Variants in TAFA1 observed in about 807,000 individuals in gnomAD.
TAFA1 encodes the protein chemokine-like protein TAFA-1.
TAFA1 carries 4 observed loss-of-function variants against 18.5 expected under a neutral mutation model. The ratio of observed to expected loss-of-function variants is 0.22; its 90% CI spans 0.11 to 0.49. The LOEUF is 0.49. Among genes scored for constraint, TAFA1 ranks in the 20% least tolerant of loss-of-function variants. The probability of loss-of-function intolerance (pLI) is 0.98; values close to 1 mark genes in which losing one functional copy is unlikely to be tolerated. For missense variants in TAFA1, 147 were observed against 169.0 expected, an observed-to-expected ratio of 0.87 and a Z score of 0.72; for synonymous variants, 56 against 55.2, an observed-to-expected ratio of 1.01 and a Z score of -0.06.
chr3:68,109,095 A>G (rs1268362799), intron 2 of TAFA1, among the ~76,000 whole-genome samples: 1 of 152,074 alleles, frequency 6.6e-6, no homozygotes, highest in Admixed American at 6.6e-5. Context: ...GTTTTTCTCT[A>G]TTATGGTGTG....
intron 3 of TAFA1, among the ~76,000 whole-genome samples, chr3:68,493,606 A>G (rs932912708): frequency 6.6e-6 from 1 of 152,212 alleles, no homozygotes; most frequent in African/African-American, 2.4e-5. Context: ...ACCAACAGTG[A>G]ACAAGGGTTT....
At chr3:68,008,753 A>G (rs1704413824) in intron 2 of TAFA1, among the ~76,000 whole-genome samples, 1 of 152,080 alleles carries the variant, frequency 6.6e-6, no homozygotes, top group Admixed American at 6.5e-5. Flanking sequence ...TCTCAACTGC[A>G]CACCCATTCT....
chr3:68,503,222 A>G (rs545535418), intron 3 of TAFA1, among the ~76,000 whole-genome samples: 1 of 152,268 alleles, frequency 6.6e-6, no homozygotes, highest in East Asian at 1.9e-4. Context: ...GGCTGTGTAT[A>G]AGGTGCACAT....
intron 2 of TAFA1, among the ~76,000 whole-genome samples, chr3:68,348,261 G>A (rs796603456): frequency 3.2e-4 from 49 of 152,182 alleles, no homozygotes; most frequent in African/African-American, 1.1e-3. Context: ...ATGTAAAAAT[G>A]CTCACTGCAG....
intron 2 of TAFA1, among the ~76,000 whole-genome samples, chr3:68,245,602 A>C (rs1266395148): frequency 1.3e-5 from 2 of 152,218 alleles, no homozygotes; most frequent in African/African-American, 4.8e-5. Flanking sequence ...GTTTTACCGT[A>C]GTTCCATTTT....
the TAFA1 span, among the ~76,000 whole-genome samples, chr3:67,998,428 T>C: frequency 1.3e-5 from 2 of 152,184 alleles, no homozygotes; most frequent in Admixed American, 1.3e-4. Flanking sequence ...TGCATCTCTT[T>C]TGGGGGATGC....
chr3:68,319,962 A>G (rs951920654), intron 2 of TAFA1, among the ~76,000 whole-genome samples: 4 of 152,290 alleles, frequency 2.6e-5, no homozygotes, highest in African/African-American at 9.6e-5. Context: ...TGAGAATACG[A>G]CTAAAACAGT....
At chr3:68,450,548 G>T (rs1158093028) in intron 3 of TAFA1, among the ~76,000 whole-genome samples, 1 of 152,142 alleles carries the variant, frequency 6.6e-6, no homozygotes. Flanking sequence ...GTATTTTAAG[G>T]ATCAGATCCC....
At chr3:68,523,618 A>G (rs2073061168) in intron 3 of TAFA1, among the ~76,000 whole-genome samples, 1 of 152,222 alleles carries the variant, frequency 6.6e-6, no homozygotes, top group Non-Finnish European at 1.5e-5. Context: ...AAAATAAAAT[A>G]TCCCCCAAAA....
chr3:68,280,888 C>T (rs760753558), intron 2 of TAFA1, among the ~76,000 whole-genome samples: 2 of 152,096 alleles, frequency 1.3e-5, no homozygotes, highest in Non-Finnish European at 2.9e-5. Context: ...TGTTCTTAGG[C>T]AATTAGTCTT....
intron 3 of TAFA1, among the ~76,000 whole-genome samples, chr3:68,427,782 T>C (rs897866778): frequency 1.3e-5 from 2 of 151,816 alleles, no homozygotes; most frequent in East Asian, 1.9e-4. Context: ...AGGGACCCAG[T>C]TGGAGGTAAC....
At chr3:68,085,217 T>A (rs983059179) in intron 2 of TAFA1, among the ~76,000 whole-genome samples, 1 of 152,194 alleles carries the variant, frequency 6.6e-6, no homozygotes, top group African/African-American at 2.4e-5. Context: ...AAGTCTAAAG[T>A]CAGTAACCAT....
chr3:68,205,789 G>A (rs920598873), intron 2 of TAFA1, among the ~76,000 whole-genome samples: 1 of 151,768 alleles, frequency 6.6e-6, no homozygotes, highest in African/African-American at 2.4e-5. Flanking sequence ...CACAAAATTG[G>A]TCTTCTTTAC....
At chr3:68,180,003 A>G (rs1273714060) in intron 2 of TAFA1, among the ~76,000 whole-genome samples, 1 of 124,290 alleles carries the variant, frequency 8.0e-6, no homozygotes, top group African/African-American at 3.0e-5. Flanking sequence ...CCTGCCTATA[A>G]CACATAATTT....
intron 2 of TAFA1, among the ~76,000 whole-genome samples, chr3:68,081,142 G>A (rs998831902): frequency 1.1e-4 from 16 of 152,036 alleles, no homozygotes; most frequent in Non-Finnish European, 1.9e-4. Context: ...CGTAGTTCTC[G>A]AGCCTTGGTT....
At chr3:68,186,892 C>G (rs2066278286) in intron 2 of TAFA1, among the ~76,000 whole-genome samples, 1 of 151,924 alleles carries the variant, frequency 6.6e-6, no homozygotes, top group African/African-American at 2.4e-5. Flanking sequence ...ATGGGCCTAG[C>G]CCACATATGA....
intron 2 of TAFA1, among the ~76,000 whole-genome samples, chr3:68,038,568 T>C (rs1258277408): frequency 6.6e-6 from 1 of 152,148 alleles, no homozygotes; most frequent in Non-Finnish European, 1.5e-5. Flanking sequence ...AGTGGATGTA[T>C]AAATGATGCC....
intron 2 of TAFA1, among the ~76,000 whole-genome samples, chr3:68,182,762 CAT>C (rs2066220539): frequency 6.6e-6 from 1 of 152,146 alleles, no homozygotes; most frequent in African/African-American, 2.4e-5. Context: ...CTACGTAAAA[CAT>C]ATTGCTTTAT....
chr3:68,013,747 C>T (rs1246218787), intron 2 of TAFA1, among the ~76,000 whole-genome samples: 1 of 152,052 alleles, frequency 6.6e-6, no homozygotes, highest in East Asian at 1.9e-4. Flanking sequence ...AGATAATACC[C>T]TCAAAGCACT....
Sources: gnomAD v4.1 joint callset for allele counts (sites outside exome capture counted in the v4.1 genomes callset) on GRCh38, gnomAD v4.1.1 for gene constraint, MANE v1.5 for transcripts, NCBI Gene and HGNC (gene_info 2026-07-23, HGNC 2026-07-21) for gene names.